Variants in CACNG2 observed in about 807,000 individuals in gnomAD.
The protein encoded by CACNG2 is calcium voltage-gated channel auxiliary subunit gamma 2, also known as voltage-dependent calcium channel gamma-2 subunit.
Under a neutral mutation model 25.9 loss-of-function variants are expected in CACNG2, and 3 were observed. The ratio of observed to expected loss-of-function variants is 0.12; its 90% CI spans 0.05 to 0.30. The LOEUF is 0.30. Ranked by LOEUF, CACNG2 falls within the 10% of genes least tolerant of loss-of-function variation. The pLI is 1.00. For missense variants in CACNG2, 341 were observed against 432.5 expected, an observed-to-expected ratio of 0.79 and a Z score of 1.88; for synonymous variants, 167 against 173.3, an observed-to-expected ratio of 0.96 and a Z score of 0.29.
rs1456418323 is a variant in CACNG2 at position 36,606,580 on chromosome 22, C to G, written c.212-19032G>C. Among the ~76,000 whole-genome samples the G allele has an allele frequency of 2.0e-5, 3 of 151,742 alleles. No homozygotes were observed. The highest frequency in any genetic ancestry group is 6.6e-5 in the Admixed American group (1 of 15,214). ...GGGTACTGGCAGGTTGTCAGGAAGG[C>G]TTCCTGGAAGAAGCACCATCTCGGA... On this transcript the variant is annotated intron_variant, in intron 1 of 3. Transcript: ENST00000300105. This position sits in a 1 kb window ranked among gnomAD's most constrained non-coding sequence, Gnocchi z 5.7.
chr22:36,702,338 AG>A, intron 1 of CACNG2, 27 bp downstream of exon 1: 3 of 1,268,162 alleles, frequency 2.4e-6, no homozygotes, highest in Non-Finnish European at 3.2e-6. Context: ...TGGGGTGGAG[AG>A]GGGGGAGGAG....
At chr22:36,578,069 C>G (rs1255524268) in intron 2 of CACNG2, among the ~76,000 whole-genome samples, 1 of 151,850 alleles carries the variant, frequency 6.6e-6, no homozygotes, top group African/African-American at 2.4e-5. Context: ...TGATCCTAAG[C>G]TAGGATGATG....
chr22:36,591,213 T>C (rs1413986358), intron 1 of CACNG2, among the ~76,000 whole-genome samples: 6 of 152,046 alleles, frequency 3.9e-5, no homozygotes, highest in Admixed American at 2.0e-4. Context: ...ATTTTTTTTT[T>C]TGTATTATTT....
chr22:36,702,311 G>A, intron 1 of CACNG2, 55 bp downstream of exon 1: 1 of 1,046,414 alleles, frequency 9.6e-7, no homozygotes, highest in East Asian at 2.7e-5. Context: ...GGGGAGGGGG[G>A]AGTGAAAGGG....
In CACNG2 at chr22:36,564,674, A is replaced by T. The variant is rs867189579; in HGVS notation, c.649T>A (p.Tyr217Asn). ...QLRATARATDYLQASAITRIP... is the reference protein window; with the variant it reads ...QLRATARATDNLQASAITRIP... ...CGGGTGATGGCAGAGGCCTGGAGGT[A>T]GTCCGTGGCGCGGGCCGTGGCCCGC... is the stretch of plus-strand genomic sequence containing the variant. The change falls in exon 4 of 4, where the codon TAC (tyrosine) becomes AAC (asparagine). Residue 217 changes from tyrosine (Y) to asparagine (N), a missense_variant. Physicochemically the swap from Tyr to Asn is moderately radical, Grantham distance 143 (BLOSUM62 -2). Transcript: ENST00000300105. This position sits in a 1 kb window ranked among gnomAD's most constrained non-coding sequence, Gnocchi z 6.7. The T allele has an allele frequency of 6.2e-7, 1 of 1,613,832 alleles. No individual in the cohort carries two copies. Among genetic ancestry groups the T allele is most frequent in the Non-Finnish European group, 8.5e-7 (1 of 1,180,004 alleles).
At chr22:36,694,993 A>G (rs928956854) in intron 1 of CACNG2, among the ~76,000 whole-genome samples, 2 of 152,122 alleles carry the variant, frequency 1.3e-5, no homozygotes, top group African/African-American at 4.8e-5. Flanking sequence ...AGGTCAGAGG[A>G]TCACTGGAGG....
chr22:36,685,038 T>G (rs2146007685), intron 1 of CACNG2, among the ~76,000 whole-genome samples: 1 of 152,318 alleles, frequency 6.6e-6, no homozygotes. Context: ...CCTGTAATTT[T>G]AGCCTGGGCT....
intron 1 of CACNG2, among the ~76,000 whole-genome samples, chr22:36,626,337 T>C (rs1207958921): frequency 6.6e-6 from 1 of 152,244 alleles, no homozygotes; most frequent in African/African-American, 2.4e-5. Context: ...GATCCAAGCT[T>C]GCTTCTCCGG....
intron 1 of CACNG2, among the ~76,000 whole-genome samples, chr22:36,669,282 A>T (rs553100653): frequency 6.6e-6 from 1 of 151,676 alleles, no homozygotes; most frequent in African/African-American, 2.4e-5. Flanking sequence ...TGGGTGGATT[A>T]CCTGAGGTCA....
At chr22:36,701,374 T>C (rs941564506) in intron 1 of CACNG2, among the ~76,000 whole-genome samples, 3 of 152,134 alleles carry the variant, frequency 2.0e-5, no homozygotes, top group Non-Finnish European at 2.9e-5. Context: ...TCTGTGCTTA[T>C]TAATGTGTCC....
rs1386639811 is a variant in CACNG2 at position 36,563,285 on chromosome 22, G to A, written c.*1066C>T. 6.6e-6 allele frequency among the ~76,000 whole-genome samples: 1 copy of A among 152,112 alleles called. No homozygotes were observed. The highest frequency in any genetic ancestry group is 1.9e-4 in the East Asian group (1 of 5,174). ...TCCCAGGGGACTGGGGGGCTTATGA[G>A]TCAGGGGGTCCACCATCGCCCCAGG... On this transcript the variant is annotated 3_prime_UTR_variant, in exon 4 of 4. Coordinates refer to ENST00000300105, the MANE Select transcript of CACNG2 (RefSeq NM_006078.5).
chr22:36,629,420 T>C (rs913316924), intron 1 of CACNG2, among the ~76,000 whole-genome samples: 1 of 151,976 alleles, frequency 6.6e-6, no homozygotes, highest in Non-Finnish European at 1.5e-5. Context: ...ATAACCATAA[T>C]GCAAAGTGTT....
At chr22:36,598,382 C>A (rs1014414014) in intron 1 of CACNG2, among the ~76,000 whole-genome samples, 21 of 152,184 alleles carry the variant, frequency 1.4e-4, no homozygotes, top group African/African-American at 5.1e-4. Flanking sequence ...CGTTGGGAGG[C>A]CGAGGTGGGC....
At chr22:36,587,306 C>T (rs1432251074) in intron 2 of CACNG2, among the ~76,000 whole-genome samples, 159 bp downstream of exon 2, 1 of 152,066 alleles carries the variant, frequency 6.6e-6, no homozygotes, top group Non-Finnish European at 1.5e-5. Context: ...GGGAACAGCA[C>T]ATATGAAGGT....
In CACNG2 at chr22:36,562,722, G is replaced by T; in HGVS notation, c.*1629C>A. On this transcript the variant is annotated 3_prime_UTR_variant, in exon 4 of 4. Transcript: ENST00000300105. Reference sequence around the variant, plus strand: ...GGCTAAGTGGACTGTGTATGTGTGTGTGAACGTGCCTGTGTGCGTGTGGGG... The same window carrying T: ...GGCTAAGTGGACTGTGTATGTGTGTTTGAACGTGCCTGTGTGCGTGTGGGG... 6.6e-6 allele frequency: 1 copy of T among 152,558 alleles called. No homozygotes were observed. The allele number at this position is 152,558 out of a possible 1,614,324, so 9.5% of individuals were successfully genotyped here.
intron 1 of CACNG2, among the ~76,000 whole-genome samples, chr22:36,604,003 C>T (rs1231239361): frequency 6.6e-6 from 1 of 151,934 alleles, no homozygotes; most frequent in Non-Finnish European, 1.5e-5. Flanking sequence ...TGGATCTGGG[C>T]AAAGTAAATA....
Position 36,675,475 on chromosome 22 carries a change from C to T in CACNG2, c.211+26891G>A, listed in dbSNP as rs6000381. On this transcript the variant is annotated intron_variant, in intron 1 of 3. Transcript: ENST00000300105. Reference sequence around the variant, plus strand: ...CCAAGTGGGAGTGGATTCCATCCTGCAATACACATAGTTCTCCTTTTATGT... The same window carrying T: ...CCAAGTGGGAGTGGATTCCATCCTGTAATACACATAGTTCTCCTTTTATGT... 6.0e-3 allele frequency among the ~76,000 whole-genome samples: 911 copies of T among 152,310 alleles called. 8 individuals are homozygous for T. Among genetic ancestry groups the T allele is most frequent in the African/African-American group, 0.021 (872 of 41,550 alleles).
intron 1 of CACNG2, among the ~76,000 whole-genome samples, chr22:36,667,044 C>T (rs1231319055): frequency 6.6e-5 from 10 of 150,436 alleles, no homozygotes; most frequent in African/African-American, 2.2e-4. Context: ...GGCTAGAGTG[C>T]AGTGGCCCAA....
chr22:36,661,966 C>CTTTTTTTTTTTTTTTTTTTT (rs71193254), intron 1 of CACNG2, among the ~76,000 whole-genome samples: 1 of 44,540 alleles, frequency 2.2e-5, no homozygotes, highest in Non-Finnish European at 6.5e-5. Flanking sequence ...CATTGCTATT[C>CTTTTTTTTTTTTTTTTTTTT]TTTTTTTTTT....
Sources: gnomAD v4.1 joint callset for allele counts (sites outside exome capture counted in the v4.1 genomes callset) on GRCh38, gnomAD v4.1.1 for gene constraint, Gnocchi (gnomAD v3.1) non-coding constraint, MANE v1.5 for transcripts, NCBI Gene and HGNC (gene_info 2026-07-23, HGNC 2026-07-21) for gene names.